NHSL2: variants seen among roughly 807,000 people sequenced by gnomAD.
The protein encoded by NHSL2 is NHS like 2.
NHSL2 carries 27 observed loss-of-function variants against 53.4 expected under a neutral mutation model. That is an observed-to-expected ratio of 0.51 (90% CI 0.37 to 0.70). The LOEUF is 0.70. Ranked by LOEUF, NHSL2 falls within the 30% of genes least tolerant of loss-of-function variation. The probability of loss-of-function intolerance (pLI) is 0.00; values close to 1 mark genes in which losing one functional copy is unlikely to be tolerated. For missense variants in NHSL2, 892 were observed against 980.1 expected (o/e 0.91, Z 1.20); for synonymous variants, 408 against 404.1 (o/e 1.01, Z -0.12).
At chrX:72,130,543 G>C (rs766751695) in intron 1 of NHSL2, 2 of 1,208,628 alleles carry the variant, frequency 1.7e-6, no homozygotes, top group Non-Finnish European at 2.2e-6. Flanking sequence ...TTCCTCATTG[G>C]GACTCGGAGC....
chrX:72,042,600 G>A (rs1361385763), intron 1 of NHSL2, among the ~76,000 whole-genome samples: 1 of 111,036 alleles, frequency 9.0e-6, no homozygotes, highest in African/African-American at 3.3e-5. Context: ...GCTAGACTAG[G>A]GTGGTGTGTC....
intron 1 of NHSL2, among the ~76,000 whole-genome samples, chrX:71,975,764 T>C (rs1161658587): frequency 1.8e-5 from 2 of 111,360 alleles, no homozygotes; most frequent in African/African-American, 3.3e-5. Flanking sequence ...TCTTGGGGCA[T>C]GTCCCTCTCT....
intron 1 of NHSL2, among the ~76,000 whole-genome samples, chrX:72,001,604 C>G (rs888219455): frequency 8.9e-6 from 1 of 111,808 alleles, no homozygotes; most frequent in Non-Finnish European, 1.9e-5. Flanking sequence ...GAAACCTCCT[C>G]CACTGAGACC....
At chrX:72,124,630 G>T (rs971299832) in intron 1 of NHSL2, among the ~76,000 whole-genome samples, 18 of 111,511 alleles carry the variant, frequency 1.6e-4, no homozygotes, top group Non-Finnish European at 2.6e-4. Flanking sequence ...AACGGCGTGG[G>T]TGCAGGTGGG....
At chrX:72,132,741 T>TC (rs774262111) in intron 2 of NHSL2, among the ~76,000 whole-genome samples, 5 of 110,931 alleles carry the variant, frequency 4.5e-5, no homozygotes, top group African/African-American at 1.6e-4. Flanking sequence ...ACCTATTTTG[T>TC]CCCCCCTAAC....
intron 1 of NHSL2, among the ~76,000 whole-genome samples, chrX:72,121,929 CTGT>C (rs1248256235): frequency 5.3e-5 from 6 of 112,434 alleles, no homozygotes; most frequent in African/African-American, 9.7e-5. Context: ...TATCACATTA[CTGT>C]TGTTGTAAGT....
intron 1 of NHSL2, chrX:72,130,305 G>C: frequency 8.4e-7 from 1 of 1,185,175 alleles, no homozygotes; most frequent in South Asian, 1.8e-5. Context: ...CCTCATTCTT[G>C]TTCCTTATCT....
intron 1 of NHSL2, chrX:72,131,205 G>A (rs199597770): frequency 8.3e-7 from 1 of 1,200,287 alleles, no homozygotes; most frequent in East Asian, 3.0e-5. Context: ...CGTCGGGGGT[G>A]CTGCGATCCT....
chrX:72,094,258 T>C (rs2041926053), intron 1 of NHSL2, among the ~76,000 whole-genome samples: 1 of 112,115 alleles, frequency 8.9e-6, no homozygotes, highest in Non-Finnish European at 1.9e-5. Context: ...AGGTGAATGA[T>C]GGCATATATG....
chrX:72,074,415 C>CA (rs2041724328), intron 1 of NHSL2, among the ~76,000 whole-genome samples: 1 of 112,196 alleles, frequency 8.9e-6, no homozygotes, highest in Admixed American at 9.4e-5. Flanking sequence ...ATTTTCTAGT[C>CA]AGACTTAATG....
rs776644307 is a variant in NHSL2, at chrX:72,146,826, CCAGCCCCAACTTATTCCT to C, written c.*3267_*3284del. 175 of 111,711 alleles carry C rather than the reference CCAGCCCCAACTTATTCCT, an allele frequency of 1.6e-3. No individual in the cohort carries two copies. Among genetic ancestry groups the C allele is most frequent in the African/African-American group, 5.5e-3 (167 of 30,641 alleles). The allele number at this position is 111,711 out of a possible 1,213,427, so 9.2% of individuals were successfully genotyped here. A position where few individuals can be genotyped will look rare whatever the true frequency, so the allele number is the denominator to read the frequency against. On this transcript the variant is annotated 3_prime_UTR_variant, in exon 8 of 8. Transcript: ENST00000633930. ...TCAGCTCCTGACTGGGCCTCCCCCA[CCAGCCCCAACTTATTCCT>C]CAGCCCCAACTTATCCCTCAGCCCC...
At chrX:71,914,642 T>C (rs1283666377) in intron 1 of NHSL2, among the ~76,000 whole-genome samples, 1 of 112,450 alleles carries the variant, frequency 8.9e-6, no homozygotes, top group African/African-American at 3.2e-5. Flanking sequence ...ATTTTCCAAC[T>C]TTATGGCAAC....
intron 1 of NHSL2, among the ~76,000 whole-genome samples, chrX:72,078,756 A>T (rs762599163): frequency 8.9e-6 from 1 of 112,411 alleles, no homozygotes; most frequent in East Asian, 2.8e-4. Flanking sequence ...CCCTCTTCCC[A>T]GCTCAGGGAC....
chrX:72,144,535 G>T lies in NHSL2; in HGVS notation c.*961G>T, dbSNP rs760269834. Reference sequence around the variant, plus strand: ...CATCATCAAAGGCTCAAGGATAATGGAAAGTAAGTGCATCTTGCCCCCCAC... The same window carrying T: ...CATCATCAAAGGCTCAAGGATAATGTAAAGTAAGTGCATCTTGCCCCCCAC... On this transcript the variant is annotated 3_prime_UTR_variant, in exon 8 of 8. Coordinates refer to ENST00000633930, the MANE Select transcript of NHSL2 (RefSeq NM_001013627.3). The T allele has an allele frequency of 9.8e-7, 1 of 1,025,381 alleles. No individual in the cohort carries two copies. Among genetic ancestry groups the T allele is most frequent in the Non-Finnish European group, 1.3e-6 (1 of 776,893 alleles). The allele number at this position is 1,025,381 out of a possible 1,213,427, so 84.5% of individuals were successfully genotyped here.
intron 1 of NHSL2, among the ~76,000 whole-genome samples, chrX:72,036,627 CT>C (rs1357795418): frequency 2.7e-5 from 3 of 110,094 alleles, no homozygotes; most frequent in African/African-American, 9.9e-5. Context: ...AATCTTAGAT[CT>C]TTTTTTTTCT....
chrX:72,059,609 G>A (rs1485484094), intron 1 of NHSL2, among the ~76,000 whole-genome samples: 1 of 111,335 alleles, frequency 9.0e-6, no homozygotes, highest in East Asian at 2.8e-4. Context: ...CATTCTTTTC[G>A]AGTTCGACAT....
chrX:71,930,123 C>T (rs763697775), intron 1 of NHSL2, among the ~76,000 whole-genome samples: 2 of 111,765 alleles, frequency 1.8e-5, no homozygotes, highest in East Asian at 5.7e-4. Context: ...TAGGGGTGGC[C>T]ATGTGGCTTG....
chrX:71,950,190 C>T (rs1367379922), intron 1 of NHSL2, among the ~76,000 whole-genome samples: 1 of 113,065 alleles, frequency 8.8e-6, no homozygotes, highest in Admixed American at 9.3e-5. Context: ...GTTTGTCCAG[C>T]CAGGGGCATA....
chrX:72,110,440 C>T (rs1047002029), intron 1 of NHSL2, among the ~76,000 whole-genome samples: 8 of 110,851 alleles, frequency 7.2e-5, no homozygotes, highest in African/African-American at 2.6e-4. Flanking sequence ...GGTACTCAGT[C>T]GTGTTTCTTG....
Sources: gnomAD v4.1 joint callset for allele counts (sites outside exome capture counted in the v4.1 genomes callset) on GRCh38, gnomAD v4.1.1 for gene constraint, MANE v1.5 for transcripts, NCBI Gene and HGNC (gene_info 2026-07-23, HGNC 2026-07-21) for gene names.